Variants in KCNJ3 observed in about 807,000 individuals in gnomAD.
KCNJ3 encodes potassium inwardly rectifying channel subfamily J member 3.
KCNJ3 carries 4 observed loss-of-function variants against 39.2 expected under a neutral mutation model. That is an observed-to-expected ratio of 0.10 (90% CI 0.05 to 0.23). The LOEUF (loss-of-function observed/expected upper bound fraction) is 0.23, where lower values mean the gene tolerates loss of function less well. KCNJ3 is among the 10% of genes least tolerant of loss of function. The probability of loss-of-function intolerance (pLI) is 1.00; values close to 1 mark genes in which losing one functional copy is unlikely to be tolerated. For synonymous variants in KCNJ3, 230 were observed against 237.4 expected (o/e 0.97, Z 0.29); for missense variants, 276 against 634.9 (o/e 0.43, Z 6.08).
At chr2:154,786,196 A>G (rs1214446163) in intron 2 of KCNJ3, among the ~76,000 whole-genome samples, 1 of 152,166 alleles carries the variant, frequency 6.6e-6, no homozygotes, top group Non-Finnish European at 1.5e-5. Flanking sequence ...TTTTGACTAC[A>G]TTTATTTAGA....
intron 2 of KCNJ3, among the ~76,000 whole-genome samples, chr2:154,722,125 C>G (rs1449775819): frequency 7.3e-6 from 1 of 136,684 alleles, no homozygotes; most frequent in Non-Finnish European, 1.6e-5. Flanking sequence ...AACAAAACTA[C>G]AAAGATTTTT....
chr2:154,761,928 A>T (rs1686053211), intron 2 of KCNJ3, among the ~76,000 whole-genome samples: 1 of 152,198 alleles, frequency 6.6e-6, no homozygotes, highest in African/African-American at 2.4e-5. Flanking sequence ...TAAGTATCAT[A>T]CCTAGGTTAT....
intron 2 of KCNJ3, among the ~76,000 whole-genome samples, chr2:154,785,424 A>T (rs2105206340): frequency 6.6e-6 from 1 of 152,214 alleles, no homozygotes; most frequent in African/African-American, 2.4e-5. Context: ...TCCCTTCCAA[A>T]ACTCATGCTG....
At chr2:154,708,910 T>G (rs1685057868) in intron 1 of KCNJ3, among the ~76,000 whole-genome samples, 2 of 152,214 alleles carry the variant, frequency 1.3e-5, no homozygotes, top group Admixed American at 6.5e-5. Flanking sequence ...AGTTCAGTTT[T>G]TCACTGTTTT....
chr2:154,843,948 C>T (rs1459978230), intron 2 of KCNJ3, among the ~76,000 whole-genome samples: 3 of 152,234 alleles, frequency 2.0e-5, no homozygotes, highest in Non-Finnish European at 2.9e-5. Flanking sequence ...CTTCTGTCAA[C>T]TCGTCAAAGT....
chr2:154,821,641 T>TTTTTA lies in KCNJ3; in HGVS notation c.920-33082_920-33081insATTTT, dbSNP rs1304228407. Among the ~76,000 whole-genome samples the TTTTTA allele has an allele frequency of 2.1e-5, 3 of 139,626 alleles. 1 individual carries two copies. Among genetic ancestry groups the TTTTTA allele is most frequent in the Non-Finnish European group, 4.7e-5 (3 of 63,892 alleles). 91.6% of individuals were successfully genotyped at this position (139,626 alleles called of 152,430 possible). A position where few individuals can be genotyped will look rare whatever the true frequency, so the allele number is the denominator to read the frequency against. ...AAGAAAAAGAGAATATGTGATTTTT[T>TTTTTA]TTTTTTTTTTTTTTTTTTGAGATGG... On this transcript the variant is annotated intron_variant, in intron 2 of 2. Transcript: ENST00000295101.
intron 2 of KCNJ3, among the ~76,000 whole-genome samples, chr2:154,743,979 G>A (rs148363196): frequency 1.8e-4 from 28 of 151,404 alleles, no homozygotes; most frequent in Admixed American, 1.4e-3. Context: ...GGTTTCTGTA[G>A]ACATTCTTTA....
intron 2 of KCNJ3, among the ~76,000 whole-genome samples, chr2:154,783,515 A>C (rs1686475679): frequency 6.6e-6 from 1 of 152,202 alleles, no homozygotes; most frequent in Non-Finnish European, 1.5e-5. Context: ...TAATACTTAC[A>C]TGGCTTATGA....
intron 2 of KCNJ3, among the ~76,000 whole-genome samples, chr2:154,712,938 C>T (rs1171685215): frequency 2.0e-5 from 3 of 151,740 alleles, no homozygotes; most frequent in Admixed American, 6.6e-5. Flanking sequence ...GGGGGAAGAG[C>T]GTGGCAGATG....
At chr2:154,827,105 A>G (rs1192804235) in intron 2 of KCNJ3, among the ~76,000 whole-genome samples, 2 of 152,070 alleles carry the variant, frequency 1.3e-5, no homozygotes, top group Non-Finnish European at 2.9e-5. Context: ...CTTTTGCCGA[A>G]TTGTATCCTT....
rs146677965 is a variant in KCNJ3 at position 154,793,665 on chromosome 2, C to T, written c.920-61062C>T. Among the ~76,000 whole-genome samples, 1,078 of 152,072 alleles carry T rather than the reference C, an allele frequency of 7.1e-3. 14 individuals carry two copies. Among genetic ancestry groups the T allele is most frequent in the African/African-American group, 0.024 (1,013 of 41,498 alleles). ...AACACTTCTAAAATTTTAGTTTCGC[C>T]AAGTATTAGCCACTAGAAGTTTCTG... is the stretch of plus-strand genomic sequence containing the variant. On this transcript the variant is annotated intron_variant, in intron 2 of 2. Coordinates refer to ENST00000295101, the MANE Select transcript of KCNJ3 (RefSeq NM_002239.4).
At chr2:154,746,650 A>ATGTGTGTG (rs57739687) in intron 2 of KCNJ3, among the ~76,000 whole-genome samples, 39 of 147,372 alleles carry the variant, frequency 2.6e-4, no homozygotes, top group African/African-American at 9.6e-4. Flanking sequence ...GTGTATATAT[A>ATGTGTGTG]TGTGTGTGTG....
intron 2 of KCNJ3, among the ~76,000 whole-genome samples, chr2:154,723,783 A>C (rs1685303602): frequency 6.6e-6 from 1 of 152,202 alleles, no homozygotes; most frequent in Non-Finnish European, 1.5e-5. Flanking sequence ...TAATTTTACA[A>C]CTAAAAATAC....
intron 2 of KCNJ3, among the ~76,000 whole-genome samples, chr2:154,767,717 G>A (rs1222875872): frequency 6.6e-6 from 1 of 152,166 alleles, no homozygotes. Flanking sequence ...TGGGATGGCT[G>A]GGTCAAATGG....
chr2:154,744,978 T>C lies in KCNJ3; in HGVS notation c.919+35159T>C, dbSNP rs570872050. ...TTTTTATTTTCCTTGATATTTCTTC[T>C]TTGACCCACGGACTATTTAGAAGTA... On this transcript the variant is annotated intron_variant, in intron 2 of 2. Transcript: ENST00000295101. Among the ~76,000 whole-genome samples, 427 of 152,064 alleles carry C rather than the reference T, an allele frequency of 2.8e-3. 3 individuals carry two copies. Among genetic ancestry groups the C allele is most frequent in the African/African-American group, 9.8e-3 (407 of 41,532 alleles).
At chr2:154,728,067 T>A (rs1685390005) in intron 2 of KCNJ3, among the ~76,000 whole-genome samples, 1 of 151,972 alleles carries the variant, frequency 6.6e-6, no homozygotes, top group Non-Finnish European at 1.5e-5. Context: ...TAAATATTAT[T>A]TCCCCCTGTT....
At chr2:154,849,011 T>C (rs997427714) in intron 2 of KCNJ3, among the ~76,000 whole-genome samples, 3 of 152,152 alleles carry the variant, frequency 2.0e-5, no homozygotes, top group African/African-American at 7.2e-5. Context: ...TAAACTCTCT[T>C]TTGTTTCTTC....
chr2:154,710,492 T>C (rs2105152222), intron 2 of KCNJ3, among the ~76,000 whole-genome samples: 1 of 152,296 alleles, frequency 6.6e-6, no homozygotes. Flanking sequence ...CTGAGGACAG[T>C]TAAGTTGACA....
intron 2 of KCNJ3, among the ~76,000 whole-genome samples, chr2:154,718,471 T>A (rs1218051121): frequency 2.6e-5 from 4 of 152,176 alleles, no homozygotes; most frequent in African/African-American, 9.7e-5. Context: ...CCAGAACATG[T>A]GAAATTCAGT....
Sources: allele counts gnomAD v4.1 joint callset (sites outside exome capture counted in the v4.1 genomes callset), GRCh38; gene constraint gnomAD v4.1.1; transcripts MANE v1.5; gene names NCBI Gene and HGNC (gene_info 2026-07-23, HGNC 2026-07-21).